Variants in ADCY2 observed in about 807,000 individuals in gnomAD.
ADCY2 encodes adenylate cyclase type 2.
ADCY2 carries 31 observed loss-of-function variants against 125.2 expected under a neutral mutation model. The observed-to-expected ratio is 0.25, with a 90% confidence interval of 0.19 to 0.33. ADCY2 has a LOEUF of 0.33. Among genes scored for constraint, ADCY2 ranks in the 10% least tolerant of loss-of-function variants. ADCY2 has a pLI of 1.00. For missense variants in ADCY2, 904 were observed against 1,418.2 expected (o/e 0.64, Z 5.82); for synonymous variants, 512 against 548.4 (o/e 0.93, Z 0.93).
intron 14 of ADCY2, among the ~76,000 whole-genome samples, chr5:7,741,657 TATCATCATCATC>T (rs763572185): frequency 6.7e-5 from 1 of 15,008 alleles, no homozygotes; most frequent in Non-Finnish European, 1.5e-4. Context: ...CCATCCTCAT[TATCATCATCATC>T]ATCATCACCA....
intron 3 of ADCY2, among the ~76,000 whole-genome samples, chr5:7,551,021 C>A (rs1735317750): frequency 7.1e-6 from 1 of 141,120 alleles, no homozygotes; most frequent in Admixed American, 7.0e-5. Flanking sequence ...TCCCTCCCTC[C>A]CTCCCTCCCT....
intron 14 of ADCY2, among the ~76,000 whole-genome samples, chr5:7,729,311 C>A (rs950445394): frequency 1.3e-5 from 2 of 151,950 alleles, no homozygotes; most frequent in African/African-American, 4.8e-5. Context: ...AAATGTTTAC[C>A]CTGTGTGCTC....
chr5:7,534,963 CT>C (rs1476666869), intron 3 of ADCY2, among the ~76,000 whole-genome samples: 2 of 152,188 alleles, frequency 1.3e-5, no homozygotes, highest in Admixed American at 1.3e-4. Context: ...TGTTTCCCAC[CT>C]CTCCTTCTGT....
At chr5:7,486,616 G>A (rs1215989387) in intron 2 of ADCY2, among the ~76,000 whole-genome samples, 1 of 152,090 alleles carries the variant, frequency 6.6e-6, no homozygotes, top group Admixed American at 6.5e-5. Flanking sequence ...ATAGGAAATG[G>A]GGTAGGGTGC....
At chr5:7,598,488 T>C (rs2126632781) in intron 3 of ADCY2, among the ~76,000 whole-genome samples, 1 of 152,340 alleles carries the variant, frequency 6.6e-6, no homozygotes, top group African/African-American at 2.4e-5. Context: ...CACATTTTTG[T>C]ACTATATCTC....
At chr5:7,813,020 A>G (rs1744993905) in intron 22 of ADCY2, among the ~76,000 whole-genome samples, 1 of 152,258 alleles carries the variant, frequency 6.6e-6, no homozygotes, top group Non-Finnish European at 1.5e-5. Context: ...TAATGATTGA[A>G]GAAACTGGAG....
chr5:7,792,217 C>CAAAAAAA (rs57224712), intron 20 of ADCY2, among the ~76,000 whole-genome samples: 6 of 99,448 alleles, frequency 6.0e-5, no homozygotes, highest in Non-Finnish European at 1.0e-4. Context: ...ACTAAAAATA[C>CAAAAAAA]AAAAAAAAAA....
intron 2 of ADCY2, among the ~76,000 whole-genome samples, chr5:7,491,722 T>C (rs1020604061): frequency 2.0e-5 from 3 of 152,172 alleles, no homozygotes; most frequent in African/African-American, 7.2e-5. Context: ...CTAACTGGGT[T>C]GTTGACATCA....
At chr5:7,579,562 T>C (rs1736359214) in intron 3 of ADCY2, among the ~76,000 whole-genome samples, 4 of 152,116 alleles carry the variant, frequency 2.6e-5, no homozygotes, top group African/African-American at 7.2e-5. Context: ...AGAATGGAGA[T>C]TTCAGCTGCT....
intron 1 of ADCY2, among the ~76,000 whole-genome samples, chr5:7,409,627 T>G (rs1381687951): frequency 6.6e-6 from 1 of 152,220 alleles, no homozygotes; most frequent in Admixed American, 6.5e-5. Flanking sequence ...AGAAGAATAT[T>G]GTTCCACCTA....
At chr5:7,730,313 T>C (rs1469697373) in intron 14 of ADCY2, among the ~76,000 whole-genome samples, 1 of 152,220 alleles carries the variant, frequency 6.6e-6, no homozygotes, top group African/African-American at 2.4e-5. Context: ...GTTCCATATC[T>C]TGGCAATTGT....
chr5:7,399,802 A>G (rs2111434564), intron 1 of ADCY2, among the ~76,000 whole-genome samples: 1 of 152,368 alleles, frequency 6.6e-6, no homozygotes, highest in African/African-American at 2.4e-5. Flanking sequence ...ACCAAGTGCC[A>G]GGAATGGCAA....
chr5:7,491,183 C>G (rs1200107710), intron 2 of ADCY2, among the ~76,000 whole-genome samples: 1 of 152,110 alleles, frequency 6.6e-6, no homozygotes, highest in Non-Finnish European at 1.5e-5. Flanking sequence ...TATTTAATAA[C>G]TTGAATTCTA....
rs570658451 is a variant in ADCY2 at position 7,826,814 on chromosome 5, G to C, written c.3219G>C (p.Thr1073=). The change falls in exon 25 of 25, where the codon ACG becomes ACC. Residue 1073 remains threonine (T), a synonymous_variant. Coordinates refer to ENST00000338316, the MANE Select transcript of ADCY2 (RefSeq NM_020546.3). ...TGAAAGGAAAGGGGGACCTGAAGAC[G>C]TACTTTGTAAACACAGAAATGTCAA... ...INVKGKGDLK[T]YFVNTEMSRS... is the part of the protein sequence containing the mutation. The C allele has an allele frequency of 6.2e-7, 1 of 1,614,100 alleles. No homozygotes were observed. The highest frequency in any genetic ancestry group is 1.7e-5 in the Admixed American group (1 of 60,012).
At chr5:7,627,447 A>C (rs1291442356) in intron 4 of ADCY2, among the ~76,000 whole-genome samples, 1 of 152,212 alleles carries the variant, frequency 6.6e-6, no homozygotes, top group Non-Finnish European at 1.5e-5. Context: ...GCAGATATCC[A>C]TGTGAACAGC....
At chr5:7,548,785 C>T (rs958866057) in intron 3 of ADCY2, among the ~76,000 whole-genome samples, 3 of 152,120 alleles carry the variant, frequency 2.0e-5, no homozygotes, top group Non-Finnish European at 4.4e-5. Flanking sequence ...ATCTTCTTGG[C>T]AGCTTGCCTA....
chr5:7,521,229 A>C (rs570763464), intron 3 of ADCY2, among the ~76,000 whole-genome samples: 12 of 152,350 alleles, frequency 7.9e-5, no homozygotes, highest in African/African-American at 2.6e-4. Flanking sequence ...ACTCATTTTT[A>C]TAGTGAAGTA....
intron 1 of ADCY2, among the ~76,000 whole-genome samples, chr5:7,411,181 C>T (rs1334721000): frequency 2.0e-5 from 3 of 152,116 alleles, no homozygotes; most frequent in Non-Finnish European, 2.9e-5. Flanking sequence ...CTGTTCTCTT[C>T]CTTGAAGAGT....
At chr5:7,530,609 GA>G (rs1734608374) in intron 3 of ADCY2, among the ~76,000 whole-genome samples, 1 of 151,582 alleles carries the variant, frequency 6.6e-6, no homozygotes, top group Non-Finnish European at 1.5e-5. Flanking sequence ...ACCTCATCCA[GA>G]TATAACCATC....
Sources: allele counts gnomAD v4.1 joint callset (sites outside exome capture counted in the v4.1 genomes callset), GRCh38; gene constraint gnomAD v4.1.1; transcripts MANE v1.5; gene names NCBI Gene and HGNC (gene_info 2026-07-23, HGNC 2026-07-21).